Variants in PLCXD3 observed in about 807,000 individuals in gnomAD.
PLCXD3 encodes the protein PI-PLC X domain-containing protein 3.
Under a neutral mutation model 25.5 loss-of-function variants are expected in PLCXD3, and 19 were observed. The observed-to-expected ratio is 0.75, with a 90% CI of 0.52 to 1.09. The LOEUF (loss-of-function observed/expected upper bound fraction) is 1.09. Among genes scored for constraint, PLCXD3 ranks in the 50% least tolerant of loss-of-function variants. The probability of loss-of-function intolerance (pLI) is 0.00; values close to 1 mark genes in which losing one functional copy is unlikely to be tolerated. For missense variants in PLCXD3, 411 were observed against 388.1 expected, an observed-to-expected ratio of 1.06 and a Z score of -0.50; for synonymous variants, 174 against 137.6, an observed-to-expected ratio of 1.26 and a Z score of -1.85.
At chr5:41,485,798 G>T (rs1748506218) in intron 1 of PLCXD3, among the ~76,000 whole-genome samples, 1 of 152,138 alleles carries the variant, frequency 6.6e-6, no homozygotes, top group African/African-American at 2.4e-5. Context: ...ATCACCAGTT[G>T]GTTACTTGCC....
At chr5:41,384,653 C>T (rs1219429508) in intron 1 of PLCXD3, among the ~76,000 whole-genome samples, 1 of 151,902 alleles carries the variant, frequency 6.6e-6, no homozygotes, top group Non-Finnish European at 1.5e-5. Context: ...TTAGTTTCAC[C>T]TTTCTATCAC....
Position 41,325,674 on chromosome 5 carries a change from T to C in PLCXD3, c.813-11904A>G, listed in dbSNP as rs75606967. On this transcript the variant is annotated intron_variant, in intron 2 of 2. Transcript: ENST00000377801. The stretch of plus-strand genomic sequence containing the variant: ...GGACATTGCTGGTTATACTTGGTGT[T>C]GGACAGGTAATAAGAATGAACTGAA... Among the ~76,000 whole-genome samples, 92 of 152,332 alleles carry C rather than the reference T, an allele frequency of 6.0e-4. No homozygotes were observed. The East Asian group carries it at 0.017, about 28-fold the overall frequency.
chr5:41,401,112 T>A (rs1240976068), intron 1 of PLCXD3, among the ~76,000 whole-genome samples: 4 of 152,038 alleles, frequency 2.6e-5, no homozygotes, highest in African/African-American at 7.2e-5. Context: ...AATTATTTAG[T>A]TCTGAGAGCT....
At chr5:41,344,586 G>A (rs965539664) in intron 2 of PLCXD3, among the ~76,000 whole-genome samples, 2 of 151,906 alleles carry the variant, frequency 1.3e-5, no homozygotes, top group Non-Finnish European at 2.9e-5. Context: ...AATTGTTTTA[G>A]ATAAGAAATA....
At chr5:41,357,175 C>T (rs762639561) in intron 2 of PLCXD3, among the ~76,000 whole-genome samples, 12 of 152,196 alleles carry the variant, frequency 7.9e-5, no homozygotes, top group Non-Finnish European at 1.6e-4. Context: ...AGAACAGTGC[C>T]TTGTCAACAG....
intron 1 of PLCXD3, among the ~76,000 whole-genome samples, chr5:41,475,021 A>G (rs1748249581): frequency 6.6e-6 from 1 of 152,200 alleles, no homozygotes; most frequent in African/African-American, 2.4e-5. Context: ...AAGACAGTAC[A>G]AGCCAATTTT....
chr5:41,473,313 T>C lies in PLCXD3; in HGVS notation c.103+37111A>G, dbSNP rs1748206382. On this transcript the variant is annotated intron_variant, in intron 1 of 2. Transcript: ENST00000377801. ...AAGATTTCTATAGCACAAAACAAAG[T>C]AATGACTTTCTCCCTCATACAAAGT... is the stretch of plus-strand genomic sequence containing the variant. Among the ~76,000 whole-genome samples, 6 of 152,264 alleles carry C rather than the reference T, an allele frequency of 3.9e-5. No homozygotes were observed. The Middle Eastern group carries it at 0.01, about 259-fold the overall frequency.
At chr5:41,430,162 A>G (rs957318198) in intron 1 of PLCXD3, among the ~76,000 whole-genome samples, 2 of 152,212 alleles carry the variant, frequency 1.3e-5, no homozygotes. Flanking sequence ...AATAGCACCT[A>G]TCCCACAGGG....
chr5:41,510,401 G>T, intron 1 of PLCXD3, 23 bp downstream of exon 1: 6 of 1,586,934 alleles, frequency 3.8e-6, no homozygotes, highest in Non-Finnish European at 5.1e-6. Context: ...CGAGCGCCTA[G>T]CCCGCAGCCC....
chr5:41,329,272 C>T (rs937992926), intron 2 of PLCXD3, among the ~76,000 whole-genome samples: 4 of 152,154 alleles, frequency 2.6e-5, no homozygotes, highest in Admixed American at 6.5e-5. Context: ...GTCACTTCTT[C>T]GAAACACTAG....
chr5:41,499,343 T>A (rs766578301), intron 1 of PLCXD3, among the ~76,000 whole-genome samples: 1 of 151,654 alleles, frequency 6.6e-6, no homozygotes, highest in African/African-American at 2.4e-5. Flanking sequence ...TGTGTTTTTA[T>A]ACACTAAAAA....
At chr5:41,432,540 T>G (rs894608048) in intron 1 of PLCXD3, among the ~76,000 whole-genome samples, 1 of 152,200 alleles carries the variant, frequency 6.6e-6, no homozygotes, top group Admixed American at 6.5e-5. Context: ...GTTATTCTTT[T>G]AATGTCTTCC....
At chr5:41,464,969 G>A (rs1747979729) in intron 1 of PLCXD3, among the ~76,000 whole-genome samples, 2 of 151,802 alleles carry the variant, frequency 1.3e-5, no homozygotes, top group African/African-American at 4.8e-5. Flanking sequence ...AAAATGTAGT[G>A]GTCATTTTCA....
intron 2 of PLCXD3, 77 bp from the exon 3 acceptor site, chr5:41,313,847 T>G (rs1743213123): frequency 1.4e-6 from 2 of 1,443,940 alleles, no homozygotes; most frequent in East Asian, 4.7e-5. Context: ...CAGTCTTCCC[T>G]TTAGTTTCTA....
chr5:41,427,841 A>G (rs1489678754), intron 1 of PLCXD3, among the ~76,000 whole-genome samples: 3 of 152,192 alleles, frequency 2.0e-5, no homozygotes, highest in African/African-American at 7.2e-5. Context: ...TTGAAGCACC[A>G]CTAGCAAGAA....
chr5:41,370,360 G>C (rs76419494), intron 2 of PLCXD3, among the ~76,000 whole-genome samples: 16,690 of 152,088 alleles, frequency 0.11, 1,152 homozygotes, highest in Admixed American at 0.17. Context: ...AATCCTCCAA[G>C]GTCAGGTATT....
At chr5:41,457,273 G>C (rs558051647) in intron 1 of PLCXD3, among the ~76,000 whole-genome samples, 105 of 151,958 alleles carry the variant, frequency 6.9e-4, no homozygotes, top group Non-Finnish European at 5.0e-4. Flanking sequence ...AGAACCCTCT[G>C]TTTTATTTTT....
intron 1 of PLCXD3, among the ~76,000 whole-genome samples, chr5:41,452,945 A>G (rs1228730957): frequency 6.6e-6 from 1 of 152,044 alleles, no homozygotes; most frequent in Non-Finnish European, 1.5e-5. Context: ...AAATATGTAT[A>G]CATTGTGGAA....
intron 1 of PLCXD3, among the ~76,000 whole-genome samples, chr5:41,409,008 A>G (rs989636403): frequency 1.3e-5 from 2 of 152,208 alleles, no homozygotes; most frequent in African/African-American, 4.8e-5. Flanking sequence ...CAAAAAGGAC[A>G]TGTCTGTTGG....
Sources: gnomAD v4.1 joint callset for allele counts (sites outside exome capture counted in the v4.1 genomes callset) on GRCh38, gnomAD v4.1.1 for gene constraint, MANE v1.5 for transcripts, NCBI Gene and HGNC (gene_info 2026-07-23, HGNC 2026-07-21) for gene names.